CLYBL: variants seen among roughly 807,000 people sequenced by gnomAD.
CLYBL encodes the protein citramalyl-CoA lyase.
In CLYBL, 31 loss-of-function variants were observed where a neutral mutation model predicts 38.9. The observed-to-expected ratio is 0.80, with a 90% CI of 0.60 to 1.08. The LOEUF is 1.08. Ranked by LOEUF, CLYBL falls within the 50% of genes least tolerant of loss-of-function variation. CLYBL has a pLI of 0.00. For synonymous variants in CLYBL, 171 were observed against 158.6 expected, an observed-to-expected ratio of 1.08 and a Z score of -0.59; for missense variants, 434 against 411.6, an observed-to-expected ratio of 1.05 and a Z score of -0.47.
intron 1 of CLYBL, among the ~76,000 whole-genome samples, chr13:99,680,139 T>C (rs2047714022): frequency 2.0e-5 from 3 of 152,318 alleles, no homozygotes; most frequent in African/African-American, 7.2e-5. Context: ...GGAATTTCAA[T>C]ATGGCAGTGC....
rs1418011311 is a variant in CLYBL at position 99,869,924 on chromosome 13, T to A, written c.803-1014T>A. On this transcript the variant is annotated intron_variant, in intron 6 of 8. Coordinates refer to ENST00000339105, the MANE Select transcript of CLYBL (RefSeq NM_206808.5). The surrounding 1 kb of genome is among the most constrained non-coding windows in gnomAD (Gnocchi z 4.3). The stretch of plus-strand genomic sequence containing the variant: ...CGTAACAATATAATCTCATCATTAT[T>A]ATAACATTAAATTATGTTGCATTTT... Among the ~76,000 whole-genome samples the A allele has an allele frequency of 6.6e-6, 1 of 152,102 alleles. No individual in the cohort carries two copies. The highest frequency in any genetic ancestry group is 1.5e-5 in the Non-Finnish European group (1 of 67,968).
At chr13:99,621,022 G>A (rs2046787867) in intron 1 of CLYBL, among the ~76,000 whole-genome samples, 1 of 152,144 alleles carries the variant, frequency 6.6e-6, no homozygotes, top group African/African-American at 2.4e-5. Flanking sequence ...TGAATCATCA[G>A]TGTCTACTTG....
chr13:99,732,152 T>G (rs1316154280), intron 1 of CLYBL, among the ~76,000 whole-genome samples: 1 of 151,504 alleles, frequency 6.6e-6, no homozygotes. Context: ...TTTTAGAAAT[T>G]TCAGCATTAT....
chr13:99,654,134 C>T (rs1207061781), intron 1 of CLYBL, among the ~76,000 whole-genome samples: 1 of 152,172 alleles, frequency 6.6e-6, no homozygotes, highest in Non-Finnish European at 1.5e-5. Context: ...TATGGGGACA[C>T]TATATTTCTG....
At chr13:99,613,028 A>G (rs58196149) in intron 1 of CLYBL, among the ~76,000 whole-genome samples, 108 of 3,834 alleles carry the variant, frequency 0.028, 1 homozygote, top group African/African-American at 0.052. Context: ...TAGTGATGAT[A>G]ATAATAATAA....
chr13:99,788,700 A>T (rs1366129908), intron 2 of CLYBL, among the ~76,000 whole-genome samples: 4 of 152,190 alleles, frequency 2.6e-5, no homozygotes, highest in Non-Finnish European at 5.9e-5. Flanking sequence ...TGGTATCAGG[A>T]TGATGCTGGC....
chr13:99,714,530 C>T (rs1222011854), intron 1 of CLYBL, among the ~76,000 whole-genome samples: 1 of 151,898 alleles, frequency 6.6e-6, no homozygotes, highest in African/African-American at 2.4e-5. Flanking sequence ...GGCAGGAGAA[C>T]TGCTTGAACC....
chr13:99,772,939 A>C lies in CLYBL; in HGVS notation c.178A>C (p.Lys60Gln), dbSNP rs558636375. Residue 60 changes from lysine to glutamine, a missense_variant, in exon 2 of 9, where the codon AAG (lysine) becomes CAG (glutamine). Transcript: ENST00000339105. ...YVPGNDEKKIKKIPSLNVDCA... is the reference protein window; with the variant it reads ...YVPGNDEKKIQKIPSLNVDCA... ...ACCTGGAAATGATGAAAAGAAAATA[A>C]AGAAGATTCCATCCCTGAATGTAGA... 1.2e-6 allele frequency: 2 copies of C among 1,613,880 alleles called. No individual in the cohort carries two copies. The highest frequency in any genetic ancestry group is 3.3e-5 in the Admixed American group (2 of 59,930).
At chr13:99,897,492 C>T (rs1238847434), downstream of CLYBL, among the ~76,000 whole-genome samples, 1 of 152,190 alleles carries the variant, frequency 6.6e-6, no homozygotes, top group Non-Finnish European at 1.5e-5. Flanking sequence ...CTACCCGCAC[C>T]TAAGTCACAG....
intron 2 of CLYBL, among the ~76,000 whole-genome samples, chr13:99,824,281 A>T (rs1287276364): frequency 3.6e-5 from 1 of 27,952 alleles, no homozygotes; most frequent in Non-Finnish European, 6.8e-5. Flanking sequence ...CCCCCAGCTA[A>T]TCCTTTTGTG....
intron 2 of CLYBL, among the ~76,000 whole-genome samples, chr13:99,774,301 G>A (rs770529701): frequency 2.6e-5 from 4 of 152,148 alleles, no homozygotes; most frequent in Non-Finnish European, 5.9e-5. Context: ...CTGCGTGACT[G>A]TATAGTAGTT....
intron 2 of CLYBL, among the ~76,000 whole-genome samples, chr13:99,776,506 A>AG (rs2049520169): frequency 9.6e-6 from 1 of 104,336 alleles, no homozygotes; most frequent in Non-Finnish European, 2.1e-5. Flanking sequence ...AAAAAAAAAA[A>AG]GTTGTTTTTT....
intron 1 of CLYBL, among the ~76,000 whole-genome samples, chr13:99,745,740 T>G (rs1431778296): frequency 1.3e-5 from 2 of 152,240 alleles, no homozygotes; most frequent in African/African-American, 4.8e-5. Context: ...ACAGCTTGTA[T>G]TCACAGCTTT....
intron 1 of CLYBL, among the ~76,000 whole-genome samples, chr13:99,733,694 G>A (rs935880962): frequency 6.6e-6 from 1 of 152,214 alleles, no homozygotes; most frequent in African/African-American, 2.4e-5. Context: ...CCATGCGCAC[G>A]TCTCTGTTCC....
chr13:99,826,152 C>T (rs1371497125), intron 2 of CLYBL, among the ~76,000 whole-genome samples: 1 of 152,198 alleles, frequency 6.6e-6, no homozygotes, highest in Non-Finnish European at 1.5e-5. Context: ...TTTAATCAAA[C>T]ACTAGATGTT....
chr13:99,798,753 T>C (rs756641045), intron 2 of CLYBL, among the ~76,000 whole-genome samples: 6 of 152,210 alleles, frequency 3.9e-5, no homozygotes, highest in Non-Finnish European at 8.8e-5. Flanking sequence ...AAAGAAATGT[T>C]ATATATTTAT....
chr13:99,885,142 C>T, intron 7 of CLYBL: 1 of 520,650 alleles, frequency 1.9e-6, no homozygotes, highest in Non-Finnish European at 3.9e-6. Context: ...AGGGGCCTCA[C>T]AGTGTTGTGA....
intron 1 of CLYBL, among the ~76,000 whole-genome samples, chr13:99,671,771 C>T (rs990630454): frequency 8.0e-6 from 1 of 125,294 alleles, no homozygotes; most frequent in Non-Finnish European, 1.7e-5. Context: ...CACAGCAAGA[C>T]TCTTTCTCAA....
chr13:99,797,614 G>A (rs2050050253), intron 2 of CLYBL, among the ~76,000 whole-genome samples: 1 of 110,384 alleles, frequency 9.1e-6, no homozygotes, highest in East Asian at 2.8e-4. Context: ...CCACAGCTGA[G>A]CTCTTGGAGG....
Sources: gnomAD v4.1 joint callset for allele counts (sites outside exome capture counted in the v4.1 genomes callset) on GRCh38, gnomAD v4.1.1 for gene constraint, Gnocchi (gnomAD v3.1) non-coding constraint, MANE v1.5 for transcripts, NCBI Gene and HGNC (gene_info 2026-07-23, HGNC 2026-07-21) for gene names.